The following KDSR variants were observed in gnomAD, a reference collection of about 807,000 sequenced individuals.
The protein encoded by KDSR is 3-dehydrosphinganine reductase.
In KDSR, 23 loss-of-function variants were observed where a neutral mutation model predicts 41.3. That is an observed-to-expected ratio of 0.56 (90% confidence interval 0.40 to 0.79). The LOEUF (loss-of-function observed/expected upper bound fraction) is 0.79, where lower values mean the gene tolerates loss of function less well. Ranked by LOEUF, KDSR falls within the 30% of genes least tolerant of loss-of-function variation. The pLI is 0.00. For synonymous variants in KDSR, 138 were observed against 151.7 expected (o/e 0.91, Z 0.66); for missense variants, 351 against 416.8 (o/e 0.84, Z 1.37).
intron 7 of KDSR, among the ~76,000 whole-genome samples, chr18:63,341,611 T>C (rs1235125297): frequency 6.6e-6 from 1 of 151,916 alleles, no homozygotes; most frequent in African/African-American, 2.4e-5. Context: ...AGGAGTAATA[T>C]AATAAAATGT....
chr18:63,327,866 C>A lies in KDSR; in HGVS notation c.*3916G>T, dbSNP rs530506092. On this transcript the variant is annotated 3_prime_UTR_variant, in exon 10 of 10. Coordinates refer to ENST00000645214, the MANE Select transcript of KDSR (RefSeq NM_002035.4). ...CTTTGTGTATCAAAATAGCCATGTG[C>A]GCTTTTATCAGTTAAAAAGTCTTTA... The A allele has an allele frequency of 5.1e-6, 1 of 196,786 alleles. No individual in the cohort carries two copies. Among genetic ancestry groups the A allele is most frequent in the Non-Finnish European group, 1.1e-5 (1 of 94,966 alleles). 12.2% of individuals were successfully genotyped at this position (196,786 alleles called of 1,614,324 possible).
Position 63,359,759 on chromosome 18 carries a change from T to A in KDSR, c.232A>T (p.Met78Leu), listed in dbSNP as rs149808877. 1 of 1,608,928 alleles carries A rather than the reference T, an allele frequency of 6.2e-7. No homozygotes were observed. Among genetic ancestry groups the A allele is most frequent in the African/African-American group, 1.3e-5 (1 of 74,954 alleles). The change falls in exon 3 of 10, where the codon ATG becomes TTG. Residue 78 changes from methionine (M) to leucine (L), a missense_variant. Coordinates refer to ENST00000645214, the MANE Select transcript of KDSR (RefSeq NM_002035.4). ...ACCTGTTTGTCATTAATAGAGTGCA[T>A]TTCAATTTCTTTCTTTGCCTGCAGC... ...KLLQAKKEIE[M>L]HSINDKQVVL...
chr18:63,344,558 C>T (rs1482457675), intron 6 of KDSR, 65 bp from the exon 7 acceptor site: 2 of 1,129,316 alleles, frequency 1.8e-6, no homozygotes, highest in Non-Finnish European at 2.7e-6. Flanking sequence ...ACACTGCCAA[C>T]CTGCACTGGC....
At chr18:63,338,267 A>G (rs1464210021) in intron 8 of KDSR, among the ~76,000 whole-genome samples, 1 of 152,262 alleles carries the variant, frequency 6.6e-6, no homozygotes, top group African/African-American at 2.4e-5. Context: ...CCGCATTAAC[A>G]GAAATGTTGT....
Position 63,329,736 on chromosome 18 carries a change from G to T in KDSR, c.*2046C>A. On this transcript the variant is annotated 3_prime_UTR_variant, in exon 10 of 10. Transcript: ENST00000645214. ...AAATATATTGAAATAACTATTTAAT[G>T]TTATTAAATCAGACACTTTCTTGGA... 5.2e-6 allele frequency: 1 copy of T among 193,236 alleles called. No individual in the cohort carries two copies. Among genetic ancestry groups the T allele is most frequent in the Non-Finnish European group, 1.1e-5 (1 of 92,654 alleles). The allele number at this position is 193,236 out of a possible 1,614,324, so 12.0% of individuals were successfully genotyped here. A position where few individuals can be genotyped will look rare whatever the true frequency, so the allele number is the denominator to read the frequency against.
chr18:63,362,892 C>T, intron 1 of KDSR, 24 bp from the exon 2 acceptor site: 1 of 1,539,198 alleles, frequency 6.5e-7, no homozygotes, highest in Non-Finnish European at 9.0e-7. Context: ...ATAAAATATT[C>T]TTAGCACTTG....
chr18:63,349,060 A>G (rs1293391505), intron 6 of KDSR, among the ~76,000 whole-genome samples: 1 of 152,224 alleles, frequency 6.6e-6, no homozygotes, highest in Non-Finnish European at 1.5e-5. Context: ...TGGCATCACA[A>G]CATCTCCCTC....
At chr18:63,366,138 G>A (rs1015774117) in intron 1 of KDSR, 3 of 152,186 alleles carry the variant, frequency 2.0e-5, no homozygotes, top group African/African-American at 7.2e-5. Flanking sequence ...CACTGCAAAC[G>A]GGAAAGTGCT....
At chr18:63,361,209 CAAAAAAAAAA>C (rs71162630) in intron 2 of KDSR, among the ~76,000 whole-genome samples, 3 of 15,524 alleles carry the variant, frequency 1.9e-4, no homozygotes, top group African/African-American at 3.3e-4. Context: ...AACTCCGTCT[CAAAAAAAAAA>C]AAAAAAAAAA....
rs113335041 is a variant in KDSR, at chr18:63,336,545, C to T, written c.778-1187G>A. On this transcript the variant is annotated intron_variant, in intron 8 of 9. Coordinates refer to ENST00000645214, the MANE Select transcript of KDSR (RefSeq NM_002035.4). The stretch of plus-strand genomic sequence containing the variant: ...CCATCACGAGACTGTCAGCTGCATA[C>T]TTTTATGATAAGATCAGCAGTAATA... Among the ~76,000 whole-genome samples the T allele has an allele frequency of 3.2e-3, 484 of 152,288 alleles. 3 individuals are homozygous for T. Among genetic ancestry groups the T allele is most frequent in the African/African-American group, 0.011 (451 of 41,556 alleles).
chr18:63,352,300 A>AT (rs1356599150), intron 5 of KDSR, among the ~76,000 whole-genome samples: 1 of 151,960 alleles, frequency 6.6e-6, no homozygotes, highest in East Asian at 1.9e-4. Context: ...AGAATATTAG[A>AT]TTTTTTTATT....
At chr18:63,346,106 A>AAGAT (rs1914494418) in intron 6 of KDSR, 1 of 152,108 alleles carries the variant, frequency 6.6e-6, no homozygotes, top group South Asian at 2.1e-4. Context: ...CTGCAAGCAG[A>AAGAT]AGATCCAGGC....
rs1327137829 is a variant in KDSR at position 63,350,888 on chromosome 18, C to T, written c.609G>A (p.Glu203=). The T allele has an allele frequency of 2.5e-6, 4 of 1,605,940 alleles. No individual in the cohort carries two copies. Among genetic ancestry groups the T allele is most frequent in the Non-Finnish European group, 3.4e-6 (4 of 1,174,536 alleles). ...ATACAAAAATGAATACAACTTTTAC[C>T]TCCATCTGCAAAGCTTCTGCCAATC... ...IRGLAEALQM[E]VKPYNVYITV... The change falls in exon 6 of 10, where the codon GAG becomes GAA. Residue 203 remains glutamate, a splice_region_variant and synonymous_variant. Transcript: ENST00000645214.
At chr18:63,335,197 G>A in intron 9 of KDSR, 60 bp downstream of exon 9, 1 of 1,093,964 alleles carries the variant, frequency 9.1e-7, no homozygotes, top group Non-Finnish European at 1.4e-6. Context: ...AAGGTTTGAT[G>A]AAAGGCAGTT....
chr18:63,355,166 C>T (rs777223194), intron 5 of KDSR, 38 bp downstream of exon 5: 6 of 1,328,500 alleles, frequency 4.5e-6, no homozygotes, highest in Non-Finnish European at 6.5e-6. Flanking sequence ...CTGCTTTTAG[C>T]ATATGTGCTA....
chr18:63,344,349 A>C lies in KDSR; in HGVS notation c.693+61T>G, dbSNP rs1914433865. 9 of 1,185,170 alleles carry C rather than the reference A, an allele frequency of 7.6e-6. No homozygotes were observed. In the East Asian group the frequency reaches 2.1e-4, roughly 28 times the overall value. The allele number at this position is 1,185,170 out of a possible 1,614,324, so 73.4% of individuals were successfully genotyped here. ...AAAACGAGTGTGAGCTGAAGAGTAG[A>C]AAGAAAATCAGAAAAGCAGTAAACA... On this transcript the variant is annotated intron_variant, in intron 7 of 9. Transcript: ENST00000645214.
intron 7 of KDSR, among the ~76,000 whole-genome samples, chr18:63,341,968 A>G (rs1007469863): frequency 9.6e-5 from 13 of 134,986 alleles, no homozygotes; most frequent in Non-Finnish European, 1.4e-4. Flanking sequence ...GTTGGAGACC[A>G]GCCTGGCCAA....
chr18:63,355,821 G>A (rs533378415), intron 3 of KDSR, among the ~76,000 whole-genome samples: 1 of 152,340 alleles, frequency 6.6e-6, no homozygotes, highest in African/African-American at 2.4e-5. Flanking sequence ...ACAGAAGGCA[G>A]ATCAGGGGTT....
chr18:63,334,348 C>T (rs1474719493), intron 9 of KDSR, among the ~76,000 whole-genome samples: 5 of 130,784 alleles, frequency 3.8e-5, no homozygotes, highest in African/African-American at 1.3e-4. Context: ...CACTGCACTA[C>T]TATCTTTTTT....
Sources: gnomAD v4.1 joint callset for allele counts (sites outside exome capture counted in the v4.1 genomes callset) on GRCh38, gnomAD v4.1.1 for gene constraint, MANE v1.5 for transcripts, NCBI Gene and HGNC (gene_info 2026-07-23, HGNC 2026-07-21) for gene names.